Variants in INPP5B observed in about 807,000 individuals in gnomAD.
INPP5B encodes the protein type II inositol 1,4,5-trisphosphate 5-phosphatase.
INPP5B carries 90 observed loss-of-function variants against 118.5 expected under a neutral mutation model. That is an observed-to-expected ratio of 0.76 (90% CI 0.64 to 0.90). The LOEUF is 0.90. Ranked by LOEUF, INPP5B falls within the 40% of genes least tolerant of loss-of-function variation. The pLI is 0.00. For missense variants in INPP5B, 984 were observed against 1,125.6 expected, an observed-to-expected ratio of 0.87 and a Z score of 1.80; for synonymous variants, 385 against 418.9, an observed-to-expected ratio of 0.92 and a Z score of 0.99.
At chr1:37,898,511 C>T (rs1006329078) in intron 7 of INPP5B, among the ~76,000 whole-genome samples, 10 of 152,010 alleles carry the variant, frequency 6.6e-5, no homozygotes, top group Non-Finnish European at 1.2e-4. Flanking sequence ...CTGACTAACA[C>T]GGTGAAACCC....
chr1:37,893,285 A>G (rs981517720), intron 7 of INPP5B, among the ~76,000 whole-genome samples: 2 of 151,458 alleles, frequency 1.3e-5, no homozygotes, highest in African/African-American at 4.9e-5. Context: ...GAGTTTTGCC[A>G]TGTTTCCCAG....
At chr1:37,937,908 T>G (rs535466822) in intron 6 of INPP5B, among the ~76,000 whole-genome samples, 235 of 144,984 alleles carry the variant, frequency 1.6e-3, no homozygotes, top group African/African-American at 5.9e-3. Flanking sequence ...GCGGAGGTTG[T>G]AGTAAGCCAA....
intron 19 of INPP5B, among the ~76,000 whole-genome samples, chr1:37,871,394 G>C (rs1569987764): frequency 6.6e-6 from 1 of 151,888 alleles, no homozygotes; most frequent in Admixed American, 6.6e-5. Flanking sequence ...GGAGGCAGAG[G>C]TTGCAGTAAG....
intron 19 of INPP5B, among the ~76,000 whole-genome samples, chr1:37,872,063 C>CAAAAAA (rs34131982): frequency 1.9e-4 from 11 of 58,214 alleles, no homozygotes; most frequent in South Asian, 7.3e-4. Context: ...GACTCCATCT[C>CAAAAAA]AAAAAAAAAA....
intron 7 of INPP5B, among the ~76,000 whole-genome samples, chr1:37,896,326 C>A (rs1164042981): frequency 1.3e-5 from 2 of 150,588 alleles, no homozygotes; most frequent in South Asian, 4.2e-4. Context: ...GCAACCGCCC[C>A]GTCTGAGAAG....
chr1:37,904,174 AATTAGTCAGGC>A (rs973353717), intron 7 of INPP5B, among the ~76,000 whole-genome samples: 15 of 152,042 alleles, frequency 9.9e-5, no homozygotes, highest in Admixed American at 7.2e-4. Context: ...AAATACAAAA[AATTAGTCAGGC>A]ATGGTGATGC....
chr1:37,934,675 A>T (rs745436147), intron 6 of INPP5B, among the ~76,000 whole-genome samples: 1 of 152,092 alleles, frequency 6.6e-6, no homozygotes, highest in Non-Finnish European at 1.5e-5. Context: ...CATGACAAGC[A>T]CTCAGAGAAG....
rs1641677695 is a variant in INPP5B, at chr1:37,861,230, A to AT, written c.*1084dup. The stretch of plus-strand genomic sequence containing the variant: ...GCAGGAACGGGGGTCGAGTTTGCAT[A>AT]TGCATATACACATCCTCAGACAGAG... On this transcript the variant is annotated 3_prime_UTR_variant, in exon 24 of 24. Transcript: ENST00000373024. The AT allele has an allele frequency of 2.0e-5, 3 of 152,192 alleles. No homozygotes were observed. Among genetic ancestry groups the AT allele is most frequent in the Admixed American group, 2.0e-4 (3 of 15,270 alleles). 9.4% of individuals were successfully genotyped at this position (152,192 alleles called of 1,614,324 possible).
chr1:37,880,722 A>G (rs1418575215), intron 14 of INPP5B, among the ~76,000 whole-genome samples: 1 of 150,196 alleles, frequency 6.7e-6, no homozygotes, highest in Non-Finnish European at 1.5e-5. Flanking sequence ...CGTCAGCCAC[A>G]GCGCCTAGCC....
chr1:37,931,457 G>C (rs893740559), intron 7 of INPP5B: 3 of 1,530,702 alleles, frequency 2.0e-6, no homozygotes, highest in Non-Finnish European at 2.6e-6. Context: ...GGATTCCCAA[G>C]TACCCCATTC....
At chr1:37,913,206 G>A (rs112548299) in intron 7 of INPP5B, among the ~76,000 whole-genome samples, 3 of 152,126 alleles carry the variant, frequency 2.0e-5, no homozygotes, top group Admixed American at 6.6e-5. Context: ...GCAGTGAGCC[G>A]AGATCACGCC....
Position 37,875,611 on chromosome 1 carries a change from G to C in INPP5B, c.1783C>G (p.Arg595Gly), listed in dbSNP as rs1235897919. Residue 595 changes from arginine (R) to glycine (G), a missense_variant, in exon 17 of 24, where the codon CGA (arginine) becomes GGA (glycine). Arg to Gly is a moderately radical substitution (Grantham distance 125, BLOSUM62 -2). This residue lies in a region of INPP5B where 634 missense variants were observed against 791.0 expected (regional missense o/e 0.80). Coordinates refer to ENST00000373024, the MANE Select transcript of INPP5B (RefSeq NM_005540.3). ...TCTTAACATGTCCTTCCTACCTCTCGCTTGGACAGGGACACAGAAGGAATG... is the reference window on the plus strand; with the variant it reads ...TCTTAACATGTCCTTCCTACCTCTCCCTTGGACAGGGACACAGAAGGAATG... Reference protein sequence around the residue: ...ANIPSVSLSKREFCFQNVKYM... With the variant: ...ANIPSVSLSKGEFCFQNVKYM... 1.9e-6 allele frequency: 3 copies of C among 1,611,702 alleles called. No individual in the cohort carries two copies. Among genetic ancestry groups the C allele is most frequent in the South Asian group, 1.1e-5 (1 of 91,038 alleles).
chr1:37,866,577 T>G (rs1413243018), intron 20 of INPP5B, 34 bp from the exon 21 acceptor site: 3 of 1,310,354 alleles, frequency 2.3e-6, no homozygotes, highest in Non-Finnish European at 3.3e-6. Context: ...AAATAATTAT[T>G]TTCTCAGAAA....
chr1:37,927,060 G>A (rs1181515537), intron 7 of INPP5B, among the ~76,000 whole-genome samples: 3 of 152,250 alleles, frequency 2.0e-5, no homozygotes, highest in East Asian at 3.9e-4. Flanking sequence ...AGGCCCAGGC[G>A]GGCAGATCAC....
At chr1:37,927,952 C>T (rs556624110) in intron 7 of INPP5B, among the ~76,000 whole-genome samples, 5 of 152,318 alleles carry the variant, frequency 3.3e-5, no homozygotes, top group African/African-American at 1.2e-4. Context: ...ATTCCTATCT[C>T]TATTAATGCA....
rs1642505815 is a variant in INPP5B, at chr1:37,872,321, G to C, written c.2187+609C>G. On this transcript the variant is annotated intron_variant, in intron 19 of 23. Coordinates refer to ENST00000373024, the MANE Select transcript of INPP5B (RefSeq NM_005540.3). The stretch of plus-strand genomic sequence containing the variant: ...GGAGGCAGAGGTTACGGTGAGCCAA[G>C]ATCACGTCATTGCACTCCAGCCTGG... Among the ~76,000 whole-genome samples the C allele has an allele frequency of 2.9e-5, 4 of 136,026 alleles. No individual in the cohort carries two copies. In the Admixed American group the frequency reaches 3.4e-4, roughly 12 times the overall value. The allele number at this position is 136,026 out of a possible 152,430, so 89.2% of individuals were successfully genotyped here.
At chr1:37,936,721 CT>C (rs1186118337) in intron 6 of INPP5B, among the ~76,000 whole-genome samples, 472 of 135,962 alleles carry the variant, frequency 3.5e-3, no homozygotes, top group Middle Eastern at 7.4e-3. Flanking sequence ...TGGAGCAGAA[CT>C]TTTTTTTTTT....
In INPP5B at chr1:37,945,772, C is replaced by T. The variant is rs56993041; in HGVS notation, c.136G>A (p.Gly46Ser). The T allele has an allele frequency of 4.3e-3, 7,015 of 1,613,902 alleles. 284 individuals carry two copies. The African/African-American group carries it at 0.083, about 19-fold the overall frequency. The change falls in exon 3 of 24, where the codon GGC (glycine) becomes AGC (serine). Residue 46 changes from glycine to serine, a missense_variant. Physicochemically the swap from Gly to Ser is moderately conservative, Grantham distance 56. This residue lies in a region of INPP5B where 350 missense variants were observed against 334.6 expected (regional missense o/e 1.05). Transcript: ENST00000373024. The part of the protein sequence containing the change: ...LGLVRYRLEH[G>S]GQEHALFLYT... The stretch of plus-strand genomic sequence containing the variant: ...CTCACTCACGCGTGTTCCTGGCCGC[C>T]GTGCTCCAGGCGGTAGCGCACGAGT...
At chr1:37,898,693 C>CA (rs57492258) in intron 7 of INPP5B, among the ~76,000 whole-genome samples, 14,959 of 117,124 alleles carry the variant, frequency 0.13, 914 homozygotes, top group Middle Eastern at 0.31. Context: ...GACTCTGTCT[C>CA]AAAAAAAAAA....
Sources: gnomAD v4.1 joint callset for allele counts (sites outside exome capture counted in the v4.1 genomes callset) on GRCh38, gnomAD v4.1.1 for gene constraint, gnomAD v4.1.1 regional missense constraint, MANE v1.5 for transcripts, NCBI Gene and HGNC (gene_info 2026-07-23, HGNC 2026-07-21) for gene names.